Variants in FNBP1 observed in about 807,000 individuals in gnomAD.
The protein encoded by FNBP1 is formin binding protein 1.
In FNBP1, 26 loss-of-function variants were observed where a neutral mutation model predicts 90.6. The observed-to-expected ratio is 0.29, with a 90% confidence interval of 0.21 to 0.40. The LOEUF (loss-of-function observed/expected upper bound fraction) is 0.40, where lower values mean the gene tolerates loss of function less well. Among genes scored for constraint, FNBP1 ranks in the 10% least tolerant of loss-of-function variants. The pLI, the probability that FNBP1 is intolerant of heterozygous loss-of-function variation, is 1.00. For synonymous variants in FNBP1, 260 were observed against 265.2 expected, an observed-to-expected ratio of 0.98 and a Z score of 0.19; for missense variants, 635 against 768.0, an observed-to-expected ratio of 0.83 and a Z score of 2.05.
chr9:130,025,585 C>A (rs1354603186), intron 1 of FNBP1, among the ~76,000 whole-genome samples: 1 of 152,142 alleles, frequency 6.6e-6, no homozygotes, highest in East Asian at 1.9e-4. Flanking sequence ...GTCCACAATA[C>A]CCCTAATAAA....
chr9:130,039,064 A>G (rs1380962571), intron 1 of FNBP1, among the ~76,000 whole-genome samples: 1 of 152,216 alleles, frequency 6.6e-6, no homozygotes, highest in Non-Finnish European at 1.5e-5. Context: ...CACAACTTCA[A>G]CAAGTCAGTG....
upstream of FNBP1, among the ~76,000 whole-genome samples, chr9:130,045,341 T>C (rs183422576): frequency 1.7e-4 from 26 of 152,344 alleles, no homozygotes; most frequent in Admixed American, 1.5e-3. Context: ...AATGCAGGTT[T>C]ATCTAACAAG....
intron 6 of FNBP1, among the ~76,000 whole-genome samples, chr9:129,938,527 G>C (rs1020169711): frequency 6.1e-5 from 9 of 147,458 alleles, no homozygotes; most frequent in Non-Finnish European, 7.4e-5. Context: ...AACTATTCCA[G>C]CAATTTCCTG....
chr9:129,899,658 G>A (rs867899500), intron 15 of FNBP1, among the ~76,000 whole-genome samples: 5 of 151,926 alleles, frequency 3.3e-5, no homozygotes, highest in South Asian at 2.1e-4. Flanking sequence ...GAGCCCAGGA[G>A]GTCAAGGCTG....
At chr9:129,988,781 G>A (rs900478199) in intron 2 of FNBP1, among the ~76,000 whole-genome samples, 12 of 152,072 alleles carry the variant, frequency 7.9e-5, no homozygotes, top group South Asian at 2.1e-4. Flanking sequence ...ACATGGGCAC[G>A]GCAACATTCC....
intron 4 of FNBP1, among the ~76,000 whole-genome samples, chr9:129,959,402 A>G (rs571605872): frequency 6.6e-6 from 1 of 151,734 alleles, no homozygotes; most frequent in African/African-American, 2.4e-5. Context: ...CAGCCTGGCC[A>G]ATATGGTGAA....
intron 4 of FNBP1, among the ~76,000 whole-genome samples, chr9:129,958,985 C>CAAAAAAAAAAAAAAA (rs60640596): frequency 0.026 from 235 of 9,154 alleles, 75 homozygotes; most frequent in African/African-American, 0.071. Flanking sequence ...AACTCTGCCT[C>CAAAAAAAAAAAAAAA]AAAAAAAAAA....
rs542013823 is a variant in FNBP1, at chr9:130,010,861, G to A, written c.25-15903C>T. On this transcript the variant is annotated intron_variant, in intron 1 of 16. Coordinates refer to ENST00000446176, the MANE Select transcript of FNBP1 (RefSeq NM_015033.3). Reference sequence around the variant, plus strand: ...CCAAGCTCTGTACTGGCACTGGAATGAGAGTAGGGAACAGTAGAGTGCTAA... The same window carrying A: ...CCAAGCTCTGTACTGGCACTGGAATAAGAGTAGGGAACAGTAGAGTGCTAA... 2.7e-4 allele frequency among the ~76,000 whole-genome samples: 40 copies of A among 150,882 alleles called. No individual in the cohort carries two copies. In the South Asian group the frequency reaches 8.4e-3, roughly 32 times the overall value.
At chr9:129,943,492 T>G (rs1454788448) in intron 6 of FNBP1, among the ~76,000 whole-genome samples, 5 of 151,252 alleles carry the variant, frequency 3.3e-5, no homozygotes, top group African/African-American at 1.2e-4. Context: ...CTTCAAGCGA[T>G]TCTCCTGCCT....
rs2059125314 is a variant in FNBP1 at position 130,034,405 on chromosome 9, C to A, written c.24+8547G>T. On this transcript the variant is annotated intron_variant, in intron 1 of 16. Coordinates refer to ENST00000446176, the MANE Select transcript of FNBP1 (RefSeq NM_015033.3). The stretch of plus-strand genomic sequence containing the variant: ...GGCTGAGGCGAAAGGCTCATTTGGG[C>A]CCAGGAGATTGAGGCTGCAGCGAGC... 2.6e-5 allele frequency among the ~76,000 whole-genome samples: 4 copies of A among 151,912 alleles called. No individual in the cohort carries two copies. The South Asian group carries it at 8.3e-4, about 31-fold the overall frequency.
intron 11 of FNBP1, among the ~76,000 whole-genome samples, chr9:129,912,623 G>A (rs2039513631): frequency 6.6e-6 from 1 of 150,658 alleles, no homozygotes; most frequent in Admixed American, 6.7e-5. Context: ...GGGAGGTGGA[G>A]GTTGTGGTGA....
Position 129,929,494 on chromosome 9 carries a change from C to A in FNBP1, c.642+73G>T. 2.2e-6 allele frequency: 3 copies of A among 1,369,612 alleles called. No homozygotes were observed. In the Admixed American group the frequency reaches 5.5e-5, roughly 25 times the overall value. The allele number at this position is 1,369,612 out of a possible 1,614,324, so 84.8% of individuals were successfully genotyped here. Reference sequence around the variant, plus strand: ...ACTCAGAATACAAACCCAGCAATCACGATTCAGAAGTGTCATGTTTCTAAG... The same window carrying A: ...ACTCAGAATACAAACCCAGCAATCAAGATTCAGAAGTGTCATGTTTCTAAG... On this transcript the variant is annotated intron_variant, in intron 7 of 16. Coordinates refer to ENST00000446176, the MANE Select transcript of FNBP1 (RefSeq NM_015033.3).
chr9:129,900,396 C>A lies in FNBP1; in HGVS notation c.1550+30G>T. 1 of 1,501,418 alleles carries A rather than the reference C, an allele frequency of 6.7e-7. No individual in the cohort carries two copies. Among genetic ancestry groups the A allele is most frequent in the South Asian group, 1.4e-5 (1 of 73,646 alleles). The allele number at this position is 1,501,418 out of a possible 1,614,324, so 93.0% of individuals were successfully genotyped here. On this transcript the variant is annotated intron_variant, in intron 14 of 16. Transcript: ENST00000446176. This position sits in a 1 kb window ranked among gnomAD's most constrained non-coding sequence, Gnocchi z 4.1. Reference sequence around the variant, plus strand: ...AATACAAAGCCAACAGGCTCCCTTGCCAGAGGCAGGCGCTGTGCAGATACT... The same window carrying A: ...AATACAAAGCCAACAGGCTCCCTTGACAGAGGCAGGCGCTGTGCAGATACT...
rs373385248 is a variant in FNBP1, at chr9:129,934,346, C to G, written c.514-4651G>C. 2.6e-5 allele frequency among the ~76,000 whole-genome samples: 4 copies of G among 152,126 alleles called. 1 individual carries two copies. The South Asian group carries it at 6.2e-4, about 24-fold the overall frequency. On this transcript the variant is annotated intron_variant, in intron 6 of 16. Coordinates refer to ENST00000446176, the MANE Select transcript of FNBP1 (RefSeq NM_015033.3). Reference sequence around the variant, plus strand: ...GAGAGTTGGCTTGTTTTACTTGCAACGAGTCAGTGTCACAGAATTTCAAGA... The same window carrying G: ...GAGAGTTGGCTTGTTTTACTTGCAAGGAGTCAGTGTCACAGAATTTCAAGA...
chr9:129,918,120 T>C (rs2040537219), intron 10 of FNBP1, among the ~76,000 whole-genome samples: 1 of 152,166 alleles, frequency 6.6e-6, no homozygotes, highest in Admixed American at 6.5e-5. Context: ...CCTCAAAATA[T>C]TGTATAGGAA....
chr9:129,977,340 A>G (rs2050486521), intron 4 of FNBP1, among the ~76,000 whole-genome samples: 1 of 152,176 alleles, frequency 6.6e-6, no homozygotes, highest in Non-Finnish European at 1.5e-5. Flanking sequence ...TTGGTTACCA[A>G]CAAAACCTAT....
At chr9:129,913,898 T>G (rs980224158) in intron 11 of FNBP1, among the ~76,000 whole-genome samples, 11 of 143,392 alleles carry the variant, frequency 7.7e-5, no homozygotes, top group Admixed American at 7.0e-4. Flanking sequence ...TTTTTTTTTT[T>G]GAGACAGGGT....
At position 129,923,978 on chromosome 9, in the gene FNBP1, C is replaced by A. The variant is rs373514992; in HGVS notation, c.1036G>T (p.Ala346Ser). Residue 346 changes from alanine to serine, a missense_variant, in exon 10 of 17, where the codon GCC (alanine) becomes TCC (serine). Physicochemically the swap from Ala to Ser is moderately conservative, Grantham distance 99. Coordinates refer to ENST00000446176, the MANE Select transcript of FNBP1 (RefSeq NM_015033.3). ...GGAACAGCAGAGGGTGAGGCAGAGG[C>A]AGGAGGGGGAGGGGGAGGCTGATGG... ...SPHQPPPPPPASASPSAVPNG... is the reference protein window; with the variant it reads ...SPHQPPPPPPSSASPSAVPNG... The A allele has an allele frequency of 1.7e-5, 24 of 1,437,234 alleles. No homozygotes were observed. Among genetic ancestry groups the A allele is most frequent in the Middle Eastern group, 1.8e-4 (1 of 5,598 alleles). The allele number at this position is 1,437,234 out of a possible 1,614,324, so 89.0% of individuals were successfully genotyped here.
chr9:129,959,083 G>C (rs2047400747), intron 4 of FNBP1, among the ~76,000 whole-genome samples: 1 of 150,306 alleles, frequency 6.7e-6, no homozygotes, highest in Non-Finnish European at 1.5e-5. Flanking sequence ...TTTCACTTGG[G>C]GGGAAAAAAA....
Sources: allele counts gnomAD v4.1 joint callset (sites outside exome capture counted in the v4.1 genomes callset), GRCh38; gene constraint gnomAD v4.1.1; non-coding constraint Gnocchi (gnomAD v3.1); transcripts MANE v1.5; gene names NCBI Gene and HGNC (gene_info 2026-07-23, HGNC 2026-07-21).